CDKL5: variants seen among roughly 807,000 people sequenced by gnomAD.
The protein encoded by CDKL5 is cyclin-dependent kinase-like 5.
CDKL5 carries 8 observed loss-of-function variants against 61.7 expected under a neutral mutation model. That is an observed-to-expected ratio of 0.13 (90% CI 0.08 to 0.23). The LOEUF (loss-of-function observed/expected upper bound fraction) is 0.23. Ranked by LOEUF, CDKL5 falls within the 10% of genes least tolerant of loss-of-function variation. The pLI, the probability that CDKL5 is intolerant of heterozygous loss-of-function variation, is 1.00. For synonymous variants in CDKL5, 275 were observed against 272.3 expected (o/e 1.01, Z -0.10); for missense variants, 440 against 734.5 (o/e 0.60, Z 4.63).
At chrX:18,483,465 T>C (rs1921663822) in intron 1 of CDKL5, among the ~76,000 whole-genome samples, 1 of 110,716 alleles carries the variant, frequency 9.0e-6, no homozygotes, top group African/African-American at 3.3e-5. Context: ...TTGCCCAGGC[T>C]GGAGTGCAGT....
At chrX:18,433,021 A>G (rs1293867212) in intron 1 of CDKL5, among the ~76,000 whole-genome samples, 1 of 109,754 alleles carries the variant, frequency 9.1e-6, no homozygotes, top group African/African-American at 3.3e-5. Context: ...TGAGGTCAGG[A>G]GTTTGAGACC....
chrX:18,446,818 A>G (rs1303385956), intron 1 of CDKL5, among the ~76,000 whole-genome samples: 1 of 111,682 alleles, frequency 9.0e-6, no homozygotes, highest in Non-Finnish European at 1.9e-5. Flanking sequence ...CCTCCACTTC[A>G]CTGAGAACTT....
At chrX:18,521,227 T>G (rs748948259) in intron 3 of CDKL5, among the ~76,000 whole-genome samples, 1 of 112,298 alleles carries the variant, frequency 8.9e-6, no homozygotes, top group East Asian at 2.8e-4. Context: ...TTGGGTTGTC[T>G]TTTTGGTTGA....
chrX:18,563,823 T>C (rs1924878079), intron 3 of CDKL5, among the ~76,000 whole-genome samples: 1 of 112,067 alleles, frequency 8.9e-6, no homozygotes, highest in Admixed American at 9.5e-5. Context: ...GTTCTTAGCA[T>C]TTCCATTTCC....
chrX:18,514,032 G>T (rs1291464445), intron 3 of CDKL5, among the ~76,000 whole-genome samples: 2 of 111,253 alleles, frequency 1.8e-5, no homozygotes, highest in Non-Finnish European at 3.8e-5. Context: ...AGGTTGACTG[G>T]GGGTGTATAT....
At position 18,637,788 on chromosome X, in the gene CDKL5, C is replaced by G. The variant is rs1165954137; in HGVS notation, c.*9031C>G. 2 of 111,750 alleles carry G rather than the reference C, an allele frequency of 1.8e-5. No homozygotes were observed. The highest frequency in any genetic ancestry group is 6.5e-5 in the African/African-American group (2 of 30,708). The allele number at this position is 111,750 out of a possible 1,213,427, so 9.2% of individuals were successfully genotyped here. A position where few individuals can be genotyped will look rare whatever the true frequency, so the allele number is the denominator to read the frequency against. Reference sequence around the variant, plus strand: ...TTGAGAGTCTCAAGAAATATGAGCTCTTATAACATTATTGCTATTGTAAAA... The same window carrying G: ...TTGAGAGTCTCAAGAAATATGAGCTGTTATAACATTATTGCTATTGTAAAA... On this transcript the variant is annotated 3_prime_UTR_variant, in exon 18 of 18. Transcript: ENST00000623535.
intron 16 of CDKL5, among the ~76,000 whole-genome samples, chrX:18,620,189 A>G (rs1926848414): frequency 1.8e-5 from 2 of 112,347 alleles, no homozygotes; most frequent in African/African-American, 6.5e-5. Context: ...TTTAATTTGG[A>G]TGACAGAGAA....
At chrX:18,518,370 GTTTTC>G (rs1483578426) in intron 3 of CDKL5, among the ~76,000 whole-genome samples, 1,201 of 37,023 alleles carry the variant, frequency 0.032, 32 homozygotes, top group East Asian at 0.2. Context: ...ATAAAGTCAT[GTTTTC>G]TTTTCTTTTC....
At chrX:18,585,253 G>A (rs1868625450) in intron 8 of CDKL5, among the ~76,000 whole-genome samples, 1 of 110,602 alleles carries the variant, frequency 9.0e-6, no homozygotes, top group Admixed American at 9.6e-5. Context: ...AAATTAGCCA[G>A]GCATGGTGAT....
chrX:18,527,501 G>A (rs1216773695), intron 3 of CDKL5, among the ~76,000 whole-genome samples: 1 of 111,743 alleles, frequency 8.9e-6, no homozygotes, highest in African/African-American at 3.2e-5. Flanking sequence ...TATCTAAGTT[G>A]TCAAATTTTT....
At chrX:18,585,403 A>G (rs995383820) in intron 8 of CDKL5, among the ~76,000 whole-genome samples, 2 of 106,566 alleles carry the variant, frequency 1.9e-5, no homozygotes, top group African/African-American at 7.6e-5. Flanking sequence ...ACACACACAC[A>G]AAAAAACCCC....
chrX:18,491,739 TTAAAA>T (rs1381645470), intron 1 of CDKL5, among the ~76,000 whole-genome samples: 2 of 111,975 alleles, frequency 1.8e-5, no homozygotes, highest in African/African-American at 6.5e-5. Flanking sequence ...TGATATTTAA[TTAAAA>T]TAGTTTTAAG....
intron 3 of CDKL5, among the ~76,000 whole-genome samples, chrX:18,511,413 G>T (rs943280096): frequency 9.1e-6 from 1 of 109,480 alleles, no homozygotes; most frequent in Non-Finnish European, 1.9e-5. Context: ...GACCTATGCC[G>T]TGCACCTCAT....
chrX:18,465,495 G>A (rs1368659701), intron 1 of CDKL5, among the ~76,000 whole-genome samples: 1 of 110,376 alleles, frequency 9.1e-6, no homozygotes, highest in East Asian at 2.8e-4. Context: ...GTGAAACCCC[G>A]TCTCTACTAA....
chrX:18,474,816 A>G (rs1367117999), intron 1 of CDKL5, among the ~76,000 whole-genome samples: 2 of 112,220 alleles, frequency 1.8e-5, no homozygotes, highest in Non-Finnish European at 3.8e-5. Context: ...GAATGAATAT[A>G]AGGTAGTGAA....
intron 3 of CDKL5, among the ~76,000 whole-genome samples, chrX:18,524,805 C>G (rs1035721081): frequency 5.4e-5 from 6 of 112,036 alleles, no homozygotes; most frequent in Non-Finnish European, 5.6e-5. Flanking sequence ...TGTCTAGATC[C>G]TTTCTTTTGC....
rs753548237 is a variant in CDKL5, at chrX:18,577,885, AAAAGAG to A, written c.283-1960_283-1955del. ...GACCATCTATGAATTTGTTAATTGA[AAAAGAG>A]AATTCAAATGGAGAATCAAAAAATG... On this transcript the variant is annotated intron_variant, in intron 5 of 17. Coordinates refer to ENST00000623535, the MANE Select transcript of CDKL5 (RefSeq NM_001323289.2). Among the ~76,000 whole-genome samples the A allele has an allele frequency of 1.8e-3, 205 of 112,470 alleles. 1 individual carries two copies. Among genetic ancestry groups the A allele is most frequent in the Non-Finnish European group, 2.8e-3 (149 of 53,280 alleles).
chrX:18,511,827 A>G (rs1378477258), intron 3 of CDKL5, among the ~76,000 whole-genome samples: 1 of 112,425 alleles, frequency 8.9e-6, no homozygotes, highest in Non-Finnish European at 1.9e-5. Flanking sequence ...ATTTATGTTC[A>G]AGTACTTATG....
At chrX:18,542,814 C>A (rs192990485) in intron 3 of CDKL5, among the ~76,000 whole-genome samples, 2 of 110,642 alleles carry the variant, frequency 1.8e-5, no homozygotes, top group East Asian at 5.7e-4. Context: ...ATACCACCTC[C>A]GCAAAAGCTC....
Sources: allele counts gnomAD v4.1 joint callset (sites outside exome capture counted in the v4.1 genomes callset), GRCh38; gene constraint gnomAD v4.1.1; transcripts MANE v1.5; gene names NCBI Gene and HGNC (gene_info 2026-07-23, HGNC 2026-07-21).